CDC42SE2: variants seen among roughly 807,000 people sequenced by gnomAD.
The protein encoded by CDC42SE2 is CDC42 small effector 2.
A neutral mutation model predicts 11.5 loss-of-function variants in CDC42SE2; 3 were observed. That is an observed-to-expected ratio of 0.26 (90% CI 0.12 to 0.67). The LOEUF is 0.67. Among genes scored for constraint, CDC42SE2 ranks in the 30% least tolerant of loss-of-function variants. The probability of loss-of-function intolerance (pLI) is 0.80; values close to 1 mark genes in which losing one functional copy is unlikely to be tolerated. For synonymous variants in CDC42SE2, 33 were observed against 34.8 expected (o/e 0.95, Z 0.18); for missense variants, 82 against 106.8 (o/e 0.77, Z 1.02).
At chr5:131,342,453 G>A (rs190790297) in intron 2 of CDC42SE2, among the ~76,000 whole-genome samples, 1,503 of 132,180 alleles carry the variant, frequency 0.011, 12 homozygotes, top group Middle Eastern at 0.018. Flanking sequence ...CAGTGGCGCC[G>A]ATCTCAGCCC....
In CDC42SE2 at chr5:131,304,187, T is replaced by A. The variant is rs1381039682; in HGVS notation, c.-454-11789T>A. Among the ~76,000 whole-genome samples, 4 of 152,116 alleles carry A rather than the reference T, an allele frequency of 2.6e-5. No homozygotes were observed. In the East Asian group the frequency reaches 7.7e-4, roughly 29 times the overall value. On this transcript the variant is annotated intron_variant, in intron 1 of 4. Transcript: ENST00000505065. ...TTTGTAGAAATGGGGTCTCTCTACA[T>A]TGCCCAGGCTTGTCTTGAACTCCTG... is the stretch of plus-strand genomic sequence containing the variant.
chr5:131,258,535 G>A (rs987364961), intron 2 of CDC42SE2, among the ~76,000 whole-genome samples: 2 of 151,422 alleles, frequency 1.3e-5, no homozygotes, highest in African/African-American at 4.9e-5. Flanking sequence ...TTTTTGAGGT[G>A]AGGGGCTGCA....
chr5:131,241,260 C>T (rs1332633083), upstream of CDC42SE2, among the ~76,000 whole-genome samples: 4 of 152,072 alleles, frequency 2.6e-5, no homozygotes, highest in East Asian at 1.9e-4. Flanking sequence ...CCACGCCCAG[C>T]GGTTTTATGT....
intron 2 of CDC42SE2, among the ~76,000 whole-genome samples, chr5:131,338,203 A>G (rs753948604): frequency 5.9e-5 from 9 of 152,168 alleles, no homozygotes; most frequent in Non-Finnish European, 1.2e-4. Context: ...TTATTTTTGT[A>G]CTGGCCAGTA....
At chr5:131,368,293 C>G (rs921178254) in intron 3 of CDC42SE2, among the ~76,000 whole-genome samples, 1 of 151,480 alleles carries the variant, frequency 6.6e-6, no homozygotes, top group Non-Finnish European at 1.5e-5. Flanking sequence ...CCCCTCCCCA[C>G]TGGTATGCAG....
intron 2 of CDC42SE2, among the ~76,000 whole-genome samples, chr5:131,331,557 T>C (rs73786650): frequency 0.017 from 2,596 of 152,284 alleles, 74 homozygotes; most frequent in African/African-American, 0.059. Context: ...TATAGTGAAA[T>C]ATATGATTAA....
At chr5:131,278,478 A>G (rs1242070298) in intron 1 of CDC42SE2, among the ~76,000 whole-genome samples, 5 of 132,418 alleles carry the variant, frequency 3.8e-5, no homozygotes, top group African/African-American at 1.2e-4. Context: ...GGAACTGGTT[A>G]GCTGATTGTG....
chr5:131,281,337 A>G (rs1757234958), intron 1 of CDC42SE2, among the ~76,000 whole-genome samples: 1 of 152,196 alleles, frequency 6.6e-6, no homozygotes, highest in Admixed American at 6.5e-5. Context: ...GTAAAGAGCA[A>G]TGTAGTTGAT....
At chr5:131,347,015 T>C (rs1561593514) in intron 2 of CDC42SE2, among the ~76,000 whole-genome samples, 1 of 152,148 alleles carries the variant, frequency 6.6e-6, no homozygotes, top group Non-Finnish European at 1.5e-5. Flanking sequence ...GAGGGAAATT[T>C]ATAGCACTAA....
At chr5:131,357,543 T>C (rs1041689455) in intron 2 of CDC42SE2, among the ~76,000 whole-genome samples, 3 of 152,214 alleles carry the variant, frequency 2.0e-5, no homozygotes, top group Admixed American at 1.3e-4. Flanking sequence ...TGTAATGTGG[T>C]TGTTACTGAT....
intron 2 of CDC42SE2, among the ~76,000 whole-genome samples, chr5:131,358,835 G>A (rs563406564): frequency 2.7e-4 from 41 of 152,192 alleles, no homozygotes; most frequent in African/African-American, 9.9e-4. Context: ...TGAGAATAAA[G>A]GACTCAACTG....
At chr5:131,380,485 A>G (rs936467948) in intron 3 of CDC42SE2, among the ~76,000 whole-genome samples, 3 of 152,172 alleles carry the variant, frequency 2.0e-5, no homozygotes, top group African/African-American at 7.2e-5. Context: ...CAAGTGTGCC[A>G]TTCTTTAAAT....
intron 3 of CDC42SE2, among the ~76,000 whole-genome samples, chr5:131,375,148 TCTCA>T (rs1750116957): frequency 6.6e-6 from 1 of 152,096 alleles, no homozygotes; most frequent in South Asian, 2.1e-4. Flanking sequence ...ACTTCAGGTT[TCTCA>T]CTGAGAGATG....
At chr5:131,337,445 G>A (rs957046105) in intron 2 of CDC42SE2, among the ~76,000 whole-genome samples, 1 of 152,210 alleles carries the variant, frequency 6.6e-6, no homozygotes, top group Non-Finnish European at 1.5e-5. Flanking sequence ...CAGTCTGCCC[G>A]TTCTCAGATT....
intron 1 of CDC42SE2, among the ~76,000 whole-genome samples, chr5:131,307,308 T>C (rs1469946075): frequency 6.8e-6 from 1 of 147,468 alleles, no homozygotes; most frequent in Admixed American, 7.0e-5. Flanking sequence ...TGAGTGAGAA[T>C]ATGCGGTGTT....
At chr5:131,251,313 C>T (rs899130863) in intron 1 of CDC42SE2, among the ~76,000 whole-genome samples, 2 of 151,932 alleles carry the variant, frequency 1.3e-5, no homozygotes, top group African/African-American at 4.8e-5. Context: ...CTCTTCTACA[C>T]CAAGAAATCA....
chr5:131,219,359 C>T, the CDC42SE2 span, among the ~76,000 whole-genome samples: 2 of 152,122 alleles, frequency 1.3e-5, no homozygotes, highest in African/African-American at 4.8e-5. Context: ...TCATCAATAA[C>T]CATTTAAGTC....
intron 2 of CDC42SE2, among the ~76,000 whole-genome samples, chr5:131,321,434 A>T (rs974308225): frequency 6.6e-6 from 1 of 152,148 alleles, no homozygotes; most frequent in African/African-American, 2.4e-5. Context: ...GCTGATAGGG[A>T]AGGATTGTTT....
At chr5:131,339,713 G>A (rs947281810) in intron 2 of CDC42SE2, among the ~76,000 whole-genome samples, 2 of 151,748 alleles carry the variant, frequency 1.3e-5, no homozygotes, top group Non-Finnish European at 2.9e-5. Context: ...GTGAGGCTGA[G>A]GCAGGAGAAT....
Sources: gnomAD v4.1 joint callset for allele counts (sites outside exome capture counted in the v4.1 genomes callset) on GRCh38, gnomAD v4.1.1 for gene constraint, MANE v1.5 for transcripts, NCBI Gene and HGNC (gene_info 2026-07-23, HGNC 2026-07-21) for gene names.